NRXN3: variants seen among roughly 807,000 people sequenced by gnomAD.
NRXN3 encodes the protein neurexin III.
A neutral mutation model predicts 137.6 loss-of-function variants in NRXN3; 32 were observed. That is an observed-to-expected ratio of 0.23 (90% CI 0.18 to 0.31). The LOEUF (loss-of-function observed/expected upper bound fraction) is 0.31. NRXN3 is among the 10% of genes least tolerant of loss of function. NRXN3 has a pLI of 1.00. For missense variants in NRXN3, 1,574 were observed against 2,062.5 expected, an observed-to-expected ratio of 0.76 and a Z score of 4.59; for synonymous variants, 798 against 784.5, an observed-to-expected ratio of 1.02 and a Z score of -0.29.
chr14:79,373,353 A>C (rs1437787827), intron 15 of NRXN3, among the ~76,000 whole-genome samples: 1 of 152,220 alleles, frequency 6.6e-6, no homozygotes, highest in Non-Finnish European at 1.5e-5. Flanking sequence ...AAGCAATCCC[A>C]GAATATTTGA....
intron 15 of NRXN3, among the ~76,000 whole-genome samples, chr14:79,042,840 T>C (rs1225142842): frequency 6.6e-6 from 1 of 152,086 alleles, no homozygotes; most frequent in African/African-American, 2.4e-5. Flanking sequence ...CCTGCTGTCC[T>C]GGAAAGGGAG....
intron 4 of NRXN3, among the ~76,000 whole-genome samples, chr14:78,555,633 C>A (rs1213470029): frequency 6.6e-6 from 1 of 152,194 alleles, no homozygotes; most frequent in African/African-American, 2.4e-5. Context: ...CCTGTCTAAA[C>A]ATTAATTAAT....
At chr14:79,273,849 C>T (rs996357792) in intron 15 of NRXN3, among the ~76,000 whole-genome samples, 4 of 151,846 alleles carry the variant, frequency 2.6e-5, no homozygotes, top group Non-Finnish European at 5.9e-5. Context: ...GTAATGCCAG[C>T]ATTTTGAGAG....
rs2099418140 is a variant in NRXN3 at position 79,866,552 on chromosome 14, C to T, written c.*4588C>T. ...AACCATAATTTGGATTGATGACAGA[C>T]TGCAAAAAGTACATTGGAGGAAGAT... is the stretch of plus-strand genomic sequence containing the variant. On this transcript the variant is annotated 3_prime_UTR_variant, in exon 21 of 21. Coordinates refer to ENST00000335750, the MANE Select transcript of NRXN3 (RefSeq NM_001330195.2). 2 of 152,106 alleles carry T rather than the reference C, an allele frequency of 1.3e-5. No homozygotes were observed. Among genetic ancestry groups the T allele is most frequent in the Admixed American group, 6.5e-5 (1 of 15,274 alleles). The allele number at this position is 152,106 out of a possible 1,614,324, so 9.4% of individuals were successfully genotyped here.
chr14:78,594,303 C>T (rs1284693928), intron 4 of NRXN3, among the ~76,000 whole-genome samples: 1 of 152,184 alleles, frequency 6.6e-6, no homozygotes, highest in African/African-American at 2.4e-5. Context: ...ATGCAGGTGG[C>T]TGGCTCACAT....
intron 15 of NRXN3, among the ~76,000 whole-genome samples, chr14:79,194,190 C>T (rs963846746): frequency 6.6e-6 from 1 of 152,186 alleles, no homozygotes; most frequent in Non-Finnish European, 1.5e-5. Flanking sequence ...CCTGATATTA[C>T]ATTTTCCCAG....
In NRXN3 at chr14:79,693,359, A is replaced by C. The variant is rs564208019; in HGVS notation, c.3706+1097A>C. 4.6e-5 allele frequency among the ~76,000 whole-genome samples: 7 copies of C among 152,148 alleles called. No homozygotes were observed. The East Asian group carries it at 1.4e-3, about 30-fold the overall frequency. ...GTTGGAGGAAGACATTCAGACCTTT[A>C]AACGTGGAAAATCCTCACGGAGTGT... On this transcript the variant is annotated intron_variant, in intron 18 of 20. Transcript: ENST00000335750.
At chr14:78,204,292 AAG>A (rs1212935301) in intron 1 of NRXN3, among the ~76,000 whole-genome samples, 1 of 152,146 alleles carries the variant, frequency 6.6e-6, no homozygotes, top group Non-Finnish European at 1.5e-5. Flanking sequence ...AGTTCTAAGA[AAG>A]AGCACGAGCA....
chr14:78,419,916 A>T (rs932313225), intron 4 of NRXN3, among the ~76,000 whole-genome samples: 27 of 151,386 alleles, frequency 1.8e-4, no homozygotes, highest in African/African-American at 6.6e-4. Context: ...GTGTGTGTGT[A>T]ATGTATATAT....
At chr14:79,710,884 G>C (rs1367498417) in intron 19 of NRXN3, among the ~76,000 whole-genome samples, 1 of 152,180 alleles carries the variant, frequency 6.6e-6, no homozygotes, top group African/African-American at 2.4e-5. Flanking sequence ...TTCTGCTTTA[G>C]AGGAACACAC....
At chr14:78,536,150 GC>G (rs1221848907) in intron 4 of NRXN3, among the ~76,000 whole-genome samples, 1 of 152,122 alleles carries the variant, frequency 6.6e-6, no homozygotes, top group African/African-American at 2.4e-5. Flanking sequence ...CTGCCTGGGG[GC>G]TTGCTCTTTG....
intron 15 of NRXN3, among the ~76,000 whole-genome samples, chr14:79,417,497 G>A (rs1019461252): frequency 6.6e-6 from 1 of 152,048 alleles, no homozygotes; most frequent in South Asian, 2.1e-4. Flanking sequence ...TGCTGTAGCT[G>A]CCTCCTGAAC....
chr14:78,866,236 G>T (rs1479161463), intron 10 of NRXN3, among the ~76,000 whole-genome samples: 1 of 151,946 alleles, frequency 6.6e-6, no homozygotes, highest in Non-Finnish European at 1.5e-5. Flanking sequence ...GGAAAGAAAA[G>T]AAAAAAATGA....
At chr14:79,334,654 C>A (rs1023419465) in intron 15 of NRXN3, among the ~76,000 whole-genome samples, 3 of 151,980 alleles carry the variant, frequency 2.0e-5, no homozygotes, top group Middle Eastern at 6.8e-3. Flanking sequence ...GCCAATTATA[C>A]CATAAAGAGG....
chr14:79,025,561 T>C (rs2152463367), intron 15 of NRXN3, among the ~76,000 whole-genome samples: 1 of 152,294 alleles, frequency 6.6e-6, no homozygotes, highest in Middle Eastern at 3.4e-3. Flanking sequence ...AATTTTTCCC[T>C]CTACCGTGAA....
intron 16 of NRXN3, among the ~76,000 whole-genome samples, chr14:79,530,930 G>A (rs1396213388): frequency 1.3e-5 from 2 of 152,094 alleles, no homozygotes; most frequent in South Asian, 2.1e-4. Context: ...CTTGTCCTTA[G>A]AATTTATTGT....
At chr14:79,822,021 G>A (rs923137522) in intron 20 of NRXN3, among the ~76,000 whole-genome samples, 1 of 152,114 alleles carries the variant, frequency 6.6e-6, no homozygotes, top group African/African-American at 2.4e-5. Flanking sequence ...ACTGGACATT[G>A]TTGCCATACA....
At chr14:78,294,703 C>T (rs2076149431) in intron 3 of NRXN3, among the ~76,000 whole-genome samples, 1 of 152,032 alleles carries the variant, frequency 6.6e-6, no homozygotes, top group South Asian at 2.1e-4. Flanking sequence ...TGTTTAACAA[C>T]TTTCCTAGCG....
chr14:78,894,693 C>T (rs992825441), intron 10 of NRXN3, among the ~76,000 whole-genome samples: 1 of 151,826 alleles, frequency 6.6e-6, no homozygotes, highest in Non-Finnish European at 1.5e-5. Flanking sequence ...TCAGAGGAAT[C>T]ACCATGTCAG....
Sources: allele counts gnomAD v4.1 joint callset (sites outside exome capture counted in the v4.1 genomes callset), GRCh38; gene constraint gnomAD v4.1.1; transcripts MANE v1.5; gene names NCBI Gene and HGNC (gene_info 2026-07-23, HGNC 2026-07-21).